Variants in MAML3 observed in about 807,000 individuals in gnomAD.
MAML3 encodes the protein mastermind like transcriptional coactivator 3.
In MAML3, 27 loss-of-function variants were observed where a neutral mutation model predicts 101.9. That is an observed-to-expected ratio of 0.27 (90% confidence interval 0.20 to 0.37). The LOEUF is 0.37. Ranked by LOEUF, MAML3 falls within the 10% of genes least tolerant of loss-of-function variation. The pLI is 1.00. For missense variants in MAML3, 1,316 were observed against 1,444.9 expected (o/e 0.91, Z 1.45); for synonymous variants, 501 against 555.9 (o/e 0.90, Z 1.39).
chr4:140,154,005 G>C lies in MAML3; in HGVS notation c.-678C>G, dbSNP rs1224308086. 3 of 154,192 alleles carry C rather than the reference G, an allele frequency of 1.9e-5. No homozygotes were observed. Among genetic ancestry groups the C allele is most frequent in the African/African-American group, 7.2e-5 (3 of 41,446 alleles). The allele number at this position is 154,192 out of a possible 1,614,324, so 9.6% of individuals were successfully genotyped here. The stretch of plus-strand genomic sequence containing the variant: ...TCCGAGGCGACTGCAAAAGTAGATC[G>C]GTGAAGTCCTTTGCAAAACGCCGCG... On this transcript the variant is annotated 5_prime_UTR_variant, in exon 1 of 5. Transcript: ENST00000509479.
chr4:140,111,659 C>T (rs1728440818), intron 1 of MAML3, among the ~76,000 whole-genome samples: 1 of 152,162 alleles, frequency 6.6e-6, no homozygotes. Context: ...ACTCAAGTTG[C>T]CATTGGTAAA....
intron 1 of MAML3, among the ~76,000 whole-genome samples, chr4:140,015,534 G>A (rs1726628042): frequency 6.6e-6 from 1 of 152,188 alleles, no homozygotes; most frequent in South Asian, 2.1e-4. Context: ...AATAGTTATT[G>A]TTGAAAGACT....
chr4:139,952,181 A>G (rs960751328), intron 1 of MAML3, among the ~76,000 whole-genome samples: 8 of 152,152 alleles, frequency 5.3e-5, no homozygotes, highest in Non-Finnish European at 1.0e-4. Flanking sequence ...ACAAACAAAC[A>G]AAAAGAAGGG....
intron 2 of MAML3, among the ~76,000 whole-genome samples, chr4:139,814,199 T>C (rs1730855624): frequency 6.6e-6 from 1 of 152,142 alleles, no homozygotes; most frequent in African/African-American, 2.4e-5. Flanking sequence ...ATCTAAAACA[T>C]AATAATCAAG....
Position 139,788,374 on chromosome 4 carries a change from G to A in MAML3, c.2080-57707C>T, listed in dbSNP as rs547478641. Among the ~76,000 whole-genome samples the A allele has an allele frequency of 2.6e-5, 4 of 152,252 alleles. No individual in the cohort carries two copies. In the South Asian group the frequency reaches 8.3e-4, roughly 32 times the overall value. On this transcript the variant is annotated intron_variant, in intron 2 of 4. Transcript: ENST00000509479. ...GAAACTAGAATCAGTTAGTTTGCTAGATGTTTTTTCATGATTATTTCCTGA... is the reference window on the plus strand; with the variant it reads ...GAAACTAGAATCAGTTAGTTTGCTAAATGTTTTTTCATGATTATTTCCTGA...
chr4:139,764,476 T>C (rs1247564411), intron 2 of MAML3, among the ~76,000 whole-genome samples: 1 of 152,214 alleles, frequency 6.6e-6, no homozygotes, highest in Non-Finnish European at 1.5e-5. Context: ...CACTGAACTT[T>C]CATTCTGTGA....
chr4:139,881,540 C>T (rs944872114), intron 2 of MAML3, among the ~76,000 whole-genome samples: 4 of 152,194 alleles, frequency 2.6e-5, no homozygotes, highest in Non-Finnish European at 4.4e-5. Flanking sequence ...CCACACTTTA[C>T]AAGCCCCATC....
intron 1 of MAML3, among the ~76,000 whole-genome samples, chr4:140,081,015 CT>C (rs889282457): frequency 1.2e-4 from 18 of 152,290 alleles, no homozygotes; most frequent in African/African-American, 4.1e-4. Flanking sequence ...GTTCTTCCCC[CT>C]AACCCCCATG....
chr4:139,728,251 C>G (rs371802446), intron 3 of MAML3, among the ~76,000 whole-genome samples: 1 of 152,216 alleles, frequency 6.6e-6, no homozygotes, highest in East Asian at 1.9e-4. Context: ...AGCACTTACT[C>G]CTTGTAGACC....
intron 1 of MAML3, among the ~76,000 whole-genome samples, chr4:140,084,269 G>C (rs1402311899): frequency 6.6e-6 from 1 of 152,204 alleles, no homozygotes; most frequent in Non-Finnish European, 1.5e-5. Flanking sequence ...TTTAGTGGCA[G>C]ACACAACTTT....
intron 1 of MAML3, among the ~76,000 whole-genome samples, chr4:140,089,667 T>G (rs559367353): frequency 1.3e-5 from 2 of 152,326 alleles, no homozygotes; most frequent in African/African-American, 4.8e-5. Flanking sequence ...TATTCTATGA[T>G]GATATTCACA....
chr4:139,918,534 T>C (rs1176556882), intron 1 of MAML3, among the ~76,000 whole-genome samples: 1 of 152,208 alleles, frequency 6.6e-6, no homozygotes, highest in Non-Finnish European at 1.5e-5. Context: ...CACCTCCCAC[T>C]TGTACTTTAT....
At chr4:139,771,957 A>T (rs1373421662) in intron 2 of MAML3, among the ~76,000 whole-genome samples, 2 of 150,088 alleles carry the variant, frequency 1.3e-5, no homozygotes, top group African/African-American at 4.9e-5. Flanking sequence ...AAAAAAAAAA[A>T]GTCCGGGCGC....
chr4:139,878,716 C>G (rs1732162169), intron 2 of MAML3, among the ~76,000 whole-genome samples: 1 of 152,126 alleles, frequency 6.6e-6, no homozygotes, highest in African/African-American at 2.4e-5. Flanking sequence ...CTCAGGAGCA[C>G]CTGGGAAAGT....
intron 1 of MAML3, among the ~76,000 whole-genome samples, chr4:140,030,175 C>T (rs906025088): frequency 3.9e-5 from 6 of 152,230 alleles, no homozygotes; most frequent in Non-Finnish European, 8.8e-5. Context: ...GGTTCATTTC[C>T]CTCCTCCCCT....
chr4:140,056,421 G>A (rs961428128), intron 1 of MAML3, among the ~76,000 whole-genome samples: 20 of 150,596 alleles, frequency 1.3e-4, no homozygotes, highest in African/African-American at 4.4e-4. Context: ...GCAATGGCGC[G>A]ATCTCGGCTC....
chr4:140,152,833 G>C, intron 1 of MAML3, 27 bp downstream of exon 1: 1 of 1,537,444 alleles, frequency 6.5e-7, no homozygotes, highest in South Asian at 1.2e-5. Context: ...AACGCGCGCC[G>C]CAAGCCCGCT....
rs1729213166 is a variant in MAML3, at chr4:140,153,373, C to T, written c.-46G>A. The T allele has an allele frequency of 6.6e-7, 1 of 1,513,430 alleles. No individual in the cohort carries two copies. The highest frequency in any genetic ancestry group is 8.8e-7 in the Non-Finnish European group (1 of 1,131,690). 93.8% of individuals were successfully genotyped at this position (1,513,430 alleles called of 1,614,324 possible). Reference sequence around the variant, plus strand: ...TTTTGGAAGAACTTTTTTTATCCACCCCCCTATCAGCCTCCTCCTTGGGTC... The same window carrying T: ...TTTTGGAAGAACTTTTTTTATCCACTCCCCTATCAGCCTCCTCCTTGGGTC... On this transcript the variant is annotated 5_prime_UTR_variant, in exon 1 of 5. Transcript: ENST00000509479.
chr4:139,877,403 C>A (rs766717389), intron 2 of MAML3, among the ~76,000 whole-genome samples: 1 of 150,944 alleles, frequency 6.6e-6, no homozygotes, highest in Non-Finnish European at 1.5e-5. Flanking sequence ...AGTTAATGAA[C>A]GATGACATAA....
Sources: gnomAD v4.1 joint callset for allele counts (sites outside exome capture counted in the v4.1 genomes callset) on GRCh38, gnomAD v4.1.1 for gene constraint, MANE v1.5 for transcripts, NCBI Gene and HGNC (gene_info 2026-07-23, HGNC 2026-07-21) for gene names.